The following RPSA2 variants were observed in gnomAD, a reference collection of about 807,000 sequenced individuals.
The protein encoded by RPSA2 is ribosomal protein SA 2.
chr19:23,863,982 A>G, the RPSA2 span, among the ~76,000 whole-genome samples: 2 of 152,238 alleles, frequency 1.3e-5, no homozygotes, highest in Non-Finnish European at 2.9e-5. Context: ...GGGGCTGCTT[A>G]AGAAAAGGAG....
chr19:23,799,097 T>C, the RPSA2 span: 1 of 152,238 alleles, frequency 6.6e-6, no homozygotes, highest in Non-Finnish European at 1.5e-5. Context: ...CTATGCACTT[T>C]GGGTATTTAG....
At chr19:23,803,540 ACT>A in the RPSA2 span, among the ~76,000 whole-genome samples, 8 of 152,162 alleles carry the variant, frequency 5.3e-5, no homozygotes, top group African/African-American at 9.6e-5. Flanking sequence ...ATTATATGAA[ACT>A]CTATCTGTAT....
the RPSA2 span, among the ~76,000 whole-genome samples, chr19:23,788,651 G>C: frequency 6.6e-6 from 1 of 152,090 alleles, no homozygotes; most frequent in Non-Finnish European, 1.5e-5. Flanking sequence ...CTGCCATAAG[G>C]GAATTGTGAT....
At chr19:23,800,612 A>C in the RPSA2 span, among the ~76,000 whole-genome samples, 1 of 16,598 alleles carries the variant, frequency 6.0e-5, no homozygotes, top group Non-Finnish European at 1.6e-4. Context: ...AGATTTCTAC[A>C]AACTTTTTTT....
chr19:23,773,430 C>T, the RPSA2 span, among the ~76,000 whole-genome samples: 2 of 151,896 alleles, frequency 1.3e-5, no homozygotes, highest in African/African-American at 2.4e-5. Flanking sequence ...ATTACAGGCA[C>T]GCACCACCAT....
chr19:23,759,544 G>C, the RPSA2 span, among the ~76,000 whole-genome samples: 1 of 974 alleles, frequency 1.0e-3, no homozygotes, highest in Admixed American at 0.013. Flanking sequence ...TTTTTTTTGA[G>C]ACGGAGTCTC....
At chr19:23,758,898 C>T in the RPSA2 span, 2 of 1,043,318 alleles carry the variant, frequency 1.9e-6, no homozygotes, top group Admixed American at 2.3e-5. Context: ...AGACAAAGGC[C>T]CCGCCAATCC....
the RPSA2 span, among the ~76,000 whole-genome samples, chr19:23,846,664 T>C: frequency 6.6e-6 from 1 of 152,224 alleles, no homozygotes; most frequent in Non-Finnish European, 1.5e-5. Flanking sequence ...CATTTTTCTT[T>C]CAACACTCTA....
the RPSA2 span, among the ~76,000 whole-genome samples, chr19:23,762,657 T>A: frequency 7.1e-4 from 90 of 126,310 alleles, no homozygotes; most frequent in Middle Eastern, 0.01. Flanking sequence ...GCCAGGGCAA[T>A]GAGGCGGAAA....
the RPSA2 span, chr19:23,832,422 A>G: frequency 2.2e-5 from 11 of 498,780 alleles, no homozygotes; most frequent in Non-Finnish European, 4.1e-5. Context: ...CATTAATTCA[A>G]TTCTCAACCC....
At chr19:23,840,527 C>T in the RPSA2 span, among the ~76,000 whole-genome samples, 1 of 152,060 alleles carries the variant, frequency 6.6e-6, no homozygotes, top group Non-Finnish European at 1.5e-5. Context: ...ATGAATAACA[C>T]AATTTTTAAA....
At chr19:23,776,513 G>A in the RPSA2 span, among the ~76,000 whole-genome samples, 1 of 152,154 alleles carries the variant, frequency 6.6e-6, no homozygotes, top group South Asian at 2.1e-4. Flanking sequence ...ATACTGCTGG[G>A]TCTAAAACTC....
the RPSA2 span, among the ~76,000 whole-genome samples, chr19:23,807,610 T>C: frequency 9.2e-5 from 14 of 151,576 alleles, no homozygotes; most frequent in African/African-American, 3.1e-4. Context: ...GTATCATATA[T>C]ACACTGATGT....
At chr19:23,833,619 G>A in the RPSA2 span, among the ~76,000 whole-genome samples, 1 of 151,990 alleles carries the variant, frequency 6.6e-6, no homozygotes, top group African/African-American at 2.4e-5. Context: ...GCATTTATAA[G>A]CATTTATACT....
the RPSA2 span, among the ~76,000 whole-genome samples, chr19:23,772,543 G>T: frequency 9.9e-4 from 3 of 3,034 alleles, no homozygotes; most frequent in South Asian, 0.38. Flanking sequence ...TCACATCCTT[G>T]GTCTCTCTTT....
At chr19:23,862,978 A>C in the RPSA2 span, among the ~76,000 whole-genome samples, 1 of 149,940 alleles carries the variant, frequency 6.7e-6, no homozygotes, top group Admixed American at 6.7e-5. Flanking sequence ...AACTTGGTTC[A>C]CTGCAGCCTC....
the RPSA2 span, among the ~76,000 whole-genome samples, chr19:23,836,872 C>A: frequency 2.0e-5 from 3 of 151,920 alleles, no homozygotes; most frequent in Non-Finnish European, 4.4e-5. Context: ...ATTACAGATT[C>A]TGTATATTAG....
chr19:23,837,329 T>C, the RPSA2 span, among the ~76,000 whole-genome samples: 1 of 152,294 alleles, frequency 6.6e-6, no homozygotes, highest in African/African-American at 2.4e-5. Context: ...CTCTGTTCCA[T>C]TGGTGTATGT....
the RPSA2 span, among the ~76,000 whole-genome samples, chr19:23,770,494 C>T: frequency 0.12 from 17,877 of 152,210 alleles, 1,113 homozygotes; most frequent in East Asian, 0.22. Context: ...GGTATAGTGA[C>T]GTATCATTGA....
Sources: gnomAD v4.1 joint callset for allele counts (sites outside exome capture counted in the v4.1 genomes callset) on GRCh38, gnomAD v4.1.1 for gene constraint, MANE v1.5 for transcripts, NCBI Gene and HGNC (gene_info 2026-07-23, HGNC 2026-07-21) for gene names.